ADAMTS16: variants seen among roughly 807,000 people sequenced by gnomAD.
ADAMTS16 encodes the protein ADAM metallopeptidase with thrombospondin type 1 motif 16, also known as A disintegrin and metalloproteinase with thrombospondin motifs 16.
Under a neutral mutation model 145.8 loss-of-function variants are expected in ADAMTS16, and 94 were observed. The observed-to-expected ratio is 0.64, with a 90% CI of 0.55 to 0.77. The LOEUF (loss-of-function observed/expected upper bound fraction) is 0.77, where lower values mean the gene tolerates loss of function less well. Ranked by LOEUF, ADAMTS16 falls within the 30% of genes least tolerant of loss-of-function variation. The pLI is 0.00. For missense variants in ADAMTS16, 1,585 were observed against 1,591.5 expected, an observed-to-expected ratio of 1.00 and a Z score of 0.07; for synonymous variants, 659 against 604.3, an observed-to-expected ratio of 1.09 and a Z score of -1.33.
intron 18 of ADAMTS16, among the ~76,000 whole-genome samples, chr5:5,278,841 T>G (rs2964388): frequency 6.6e-6 from 1 of 151,954 alleles, no homozygotes; most frequent in South Asian, 2.1e-4. Flanking sequence ...TTTTAAATGA[T>G]AGCACATTTT....
intron 20 of ADAMTS16, 61 bp from the exon 21 acceptor site, chr5:5,306,443 C>G: frequency 6.9e-7 from 1 of 1,447,272 alleles, no homozygotes; most frequent in Non-Finnish European, 9.5e-7. Flanking sequence ...ATATTTTAAC[C>G]CACAGATTTT....
chr5:5,194,230 C>A (rs1201385275), intron 8 of ADAMTS16, among the ~76,000 whole-genome samples: 1 of 152,118 alleles, frequency 6.6e-6, no homozygotes, highest in Non-Finnish European at 1.5e-5. Flanking sequence ...AGACAGAGAA[C>A]CTGGAGCTTG....
chr5:5,227,933 A>G (rs768219197), intron 11 of ADAMTS16, among the ~76,000 whole-genome samples: 1 of 152,240 alleles, frequency 6.6e-6, no homozygotes, highest in East Asian at 1.9e-4. Flanking sequence ...GGACATGTCT[A>G]TATACTTCTG....
chr5:5,152,269 C>T (rs1340860313), intron 3 of ADAMTS16, among the ~76,000 whole-genome samples: 3 of 152,252 alleles, frequency 2.0e-5, no homozygotes, highest in African/African-American at 7.2e-5. Flanking sequence ...GCTTCTCCCA[C>T]TGTGACACCC....
chr5:5,162,258 C>G (rs758103849), intron 3 of ADAMTS16, among the ~76,000 whole-genome samples: 1 of 152,204 alleles, frequency 6.6e-6, no homozygotes, highest in African/African-American at 2.4e-5. Context: ...ACAGGAGCTA[C>G]TATTGCATTT....
Position 5,186,124 on chromosome 5 carries a change from G to T in ADAMTS16, c.836G>T (p.Arg279Leu). ...TATAAGTCTTGCTTACGGCATAAGCGCTCTCTTCTGAGGTCCCATAGAAAT... is the reference window on the plus strand; with the variant it reads ...TATAAGTCTTGCTTACGGCATAAGCTCTCTCTTCTGAGGTCCCATAGAAAT... Reference protein sequence around the residue: ...DEYKSCLRHKRSLLRSHRNEE... With the variant: ...DEYKSCLRHKLSLLRSHRNEE... The change falls in exon 5 of 23, where the codon CGC becomes CTC. Residue 279 changes from arginine to leucine, a missense_variant. Physicochemically the swap from Arg to Leu is moderately radical, Grantham distance 102 (BLOSUM62 -2). Around this residue, in one of 3 missense-constraint regions of ADAMTS16, gnomAD observed 453 missense variants for 412.1 expected, o/e 1.10. Transcript: ENST00000274181. 1.2e-6 allele frequency: 2 copies of T among 1,614,036 alleles called. No individual in the cohort carries two copies. Among genetic ancestry groups the T allele is most frequent in the Non-Finnish European group, 1.7e-6 (2 of 1,180,030 alleles).
rs56068510 is a variant in ADAMTS16 at position 5,308,949 on chromosome 5, C to CA, written c.3411+2239dup. 9.2e-3 allele frequency among the ~76,000 whole-genome samples: 799 copies of CA among 86,860 alleles called. 10 individuals are homozygous for CA. The highest frequency in any genetic ancestry group is 0.029 in the East Asian group (61 of 2,088). The allele number at this position is 86,860 out of a possible 152,430, so 57.0% of individuals were successfully genotyped here. A position where few individuals can be genotyped will look rare whatever the true frequency, so the allele number is the denominator to read the frequency against. ...TGGGTAACAGAGAGAGACTCCGTCT[C>CA]AAAAAAAAAAAAAAAAAAGCAGATT... On this transcript the variant is annotated intron_variant, in intron 21 of 22. Coordinates refer to ENST00000274181, the MANE Select transcript of ADAMTS16 (RefSeq NM_139056.4).
At chr5:5,169,393 A>T (rs2126539867) in intron 3 of ADAMTS16, among the ~76,000 whole-genome samples, 1 of 152,294 alleles carries the variant, frequency 6.6e-6, no homozygotes, top group African/African-American at 2.4e-5. Flanking sequence ...CCCCACATTC[A>T]TTCGTCATTG....
At chr5:5,311,668 C>A (rs1442638565) in intron 21 of ADAMTS16, among the ~76,000 whole-genome samples, 1 of 151,664 alleles carries the variant, frequency 6.6e-6, no homozygotes, top group Admixed American at 6.6e-5. Context: ...TGTCTCAGCC[C>A]CCCGAGTAGC....
chr5:5,318,993 G>A (rs769066215), intron 22 of ADAMTS16, 30 bp from the exon 23 acceptor site: 55 of 1,524,010 alleles, frequency 3.6e-5, no homozygotes, highest in African/African-American at 5.5e-5. Flanking sequence ...ACTCGGGATC[G>A]CTGAGTAATG....
chr5:5,203,773 G>A (rs962591079), intron 9 of ADAMTS16, among the ~76,000 whole-genome samples: 1 of 152,064 alleles, frequency 6.6e-6, no homozygotes, highest in Admixed American at 6.6e-5. Context: ...TTTAAATCAT[G>A]CCCTGCAGAT....
At chr5:5,246,040 A>G (rs968674240) in intron 17 of ADAMTS16, among the ~76,000 whole-genome samples, 1 of 152,180 alleles carries the variant, frequency 6.6e-6, no homozygotes, top group Non-Finnish European at 1.5e-5. Flanking sequence ...TCTGTCTCTG[A>G]GACAGAGACT....
At position 5,140,527 on chromosome 5, in the gene ADAMTS16, G is replaced by A. The variant is rs182803078; in HGVS notation, c.60G>A (p.Gln20=). Residue 20 remains glutamine, a synonymous_variant, in exon 1 of 23, where the codon CAG becomes CAA. Transcript: ENST00000274181. The part of the protein sequence containing the change: ...GLAALWMLLA[Q]VAEQAPACAM... Reference sequence around the variant, plus strand: ...CGGCGCTGTGGATGCTGTTGGCGCAGGTGGCCGAGCAGGTGAGTCCCGGGC... The same window carrying A: ...CGGCGCTGTGGATGCTGTTGGCGCAAGTGGCCGAGCAGGTGAGTCCCGGGC... 2,188 of 1,513,994 alleles carry A rather than the reference G, an allele frequency of 1.4e-3. 26 individuals carry two copies. The African/African-American group carries it at 0.027, about 19-fold the overall frequency. 93.8% of individuals were successfully genotyped at this position (1,513,994 alleles called of 1,614,324 possible).
intron 8 of ADAMTS16, among the ~76,000 whole-genome samples, chr5:5,198,644 C>T (rs564199247): frequency 1.1e-4 from 17 of 152,218 alleles, no homozygotes; most frequent in Admixed American, 2.6e-4. Context: ...AGGTTACAAG[C>T]GTACCATAAA....
chr5:5,149,595 G>T (rs973525712), intron 3 of ADAMTS16, among the ~76,000 whole-genome samples: 1 of 152,098 alleles, frequency 6.6e-6, no homozygotes, highest in South Asian at 2.1e-4. Context: ...ATTTAATAGA[G>T]TTTCACCCTT....
At chr5:5,156,266 A>ATAAC in intron 3 of ADAMTS16, among the ~76,000 whole-genome samples, 1 of 152,308 alleles carries the variant, frequency 6.6e-6, no homozygotes, top group African/African-American at 2.4e-5. Context: ...TATTGAGAGA[A>ATAAC]TAACTACCAG....
chr5:5,298,566 CTG>C (rs1739642063), intron 18 of ADAMTS16, among the ~76,000 whole-genome samples: 1 of 152,238 alleles, frequency 6.6e-6, no homozygotes, highest in Admixed American at 6.5e-5. Flanking sequence ...ATCCTGGCCT[CTG>C]TACTTTCAGC....
chr5:5,144,166 A>G (rs1734236778), intron 2 of ADAMTS16, among the ~76,000 whole-genome samples: 1 of 152,148 alleles, frequency 6.6e-6, no homozygotes, highest in South Asian at 2.1e-4. Flanking sequence ...AGCGAACATA[A>G]TAACAATGCA....
intron 3 of ADAMTS16, among the ~76,000 whole-genome samples, chr5:5,168,523 C>T (rs1360999612): frequency 7.2e-6 from 1 of 138,208 alleles, no homozygotes; most frequent in African/African-American, 2.7e-5. Context: ...CTAATTGCAC[C>T]ATAAGTAACT....
Sources: allele counts gnomAD v4.1 joint callset (sites outside exome capture counted in the v4.1 genomes callset), GRCh38; gene constraint gnomAD v4.1.1; regional missense constraint gnomAD v4.1.1; transcripts MANE v1.5; gene names NCBI Gene and HGNC (gene_info 2026-07-23, HGNC 2026-07-21).